BMP2K: variants seen among roughly 807,000 people sequenced by gnomAD.
The protein encoded by BMP2K is BMP2 inducible kinase, also known as BMP-2-inducible protein kinase.
BMP2K carries 74 observed loss-of-function variants against 116.0 expected under a neutral mutation model. The ratio of observed to expected loss-of-function variants is 0.64; its 90% CI spans 0.53 to 0.77. BMP2K has a LOEUF of 0.77. Among genes scored for constraint, BMP2K ranks in the 30% least tolerant of loss-of-function variants. The pLI is 0.00. For synonymous variants in BMP2K, 486 were observed against 502.5 expected (o/e 0.97, Z 0.44); for missense variants, 1,365 against 1,403.6 (o/e 0.97, Z 0.44).
chr4:78,812,751 A>G (rs79232630), intron 1 of BMP2K, among the ~76,000 whole-genome samples: 1,703 of 152,244 alleles, frequency 0.011, 37 homozygotes, highest in African/African-American at 0.039. Context: ...GGCTAAGACT[A>G]TTTGGCTGTG....
At chr4:78,851,657 T>A (rs1731256570) in intron 7 of BMP2K, among the ~76,000 whole-genome samples, 1 of 152,048 alleles carries the variant, frequency 6.6e-6, no homozygotes, top group Non-Finnish European at 1.5e-5. Flanking sequence ...TTGAGGTTTG[T>A]ATGATGAAGA....
intron 1 of BMP2K, among the ~76,000 whole-genome samples, chr4:78,802,093 T>C (rs574941855): frequency 3.3e-5 from 5 of 152,370 alleles, no homozygotes; most frequent in Admixed American, 2.6e-4. Flanking sequence ...TTGCTCGATA[T>C]AGACTTCTCT....
At chr4:78,886,625 GT>G (rs1268684624) in intron 14 of BMP2K, among the ~76,000 whole-genome samples, 1 of 151,990 alleles carries the variant, frequency 6.6e-6, no homozygotes, top group East Asian at 1.9e-4. Flanking sequence ...TTTTGTGTAA[GT>G]TTTTGTGAGT....
intron 15 of BMP2K, among the ~76,000 whole-genome samples, chr4:78,887,663 T>C (rs532409844): frequency 1.3e-5 from 2 of 152,324 alleles, no homozygotes; most frequent in East Asian, 3.9e-4. Context: ...AATTTTGTAT[T>C]TGTCACAATC....
At position 78,913,729 on chromosome 4, in the gene BMP2K, C is replaced by CTT. The variant is rs747747535; in HGVS notation, c.*1700_*1701dup. 2.0e-5 allele frequency: 3 copies of CTT among 152,022 alleles called. No homozygotes were observed. The highest frequency in any genetic ancestry group is 2.9e-5 in the Non-Finnish European group (2 of 67,956). 9.4% of individuals were successfully genotyped at this position (152,022 alleles called of 1,614,324 possible). On this transcript the variant is annotated 3_prime_UTR_variant, in exon 16 of 16. Coordinates refer to ENST00000502613, the MANE Select transcript of BMP2K (RefSeq NM_198892.2). Reference sequence around the variant, plus strand: ...ATATGTAACTAAACCACATATTTGTCTTTTTATTGCTTTTTCCCTTCTTTT... The same window carrying CTT: ...ATATGTAACTAAACCACATATTTGTCTTTTTTTATTGCTTTTTCCCTTCTTTT...
chr4:78,803,365 T>C (rs1053283883), intron 1 of BMP2K, among the ~76,000 whole-genome samples: 5 of 152,132 alleles, frequency 3.3e-5, no homozygotes, highest in African/African-American at 1.2e-4. Context: ...CTATTAAAAA[T>C]AGTAGCTTTA....
chr4:78,862,755 G>A (rs1294509236), intron 9 of BMP2K, among the ~76,000 whole-genome samples: 2 of 152,036 alleles, frequency 1.3e-5, no homozygotes, highest in African/African-American at 4.8e-5. Flanking sequence ...TTAAAAAATG[G>A]TGTTACTTTA....
intron 1 of BMP2K, among the ~76,000 whole-genome samples, chr4:78,810,743 G>C (rs1729049633): frequency 6.6e-6 from 1 of 152,216 alleles, no homozygotes; most frequent in African/African-American, 2.4e-5. Flanking sequence ...GAGCTGGAGA[G>C]AGAAGGATGG....
chr4:78,782,353 T>C (rs573649237), intron 1 of BMP2K, among the ~76,000 whole-genome samples: 1 of 152,370 alleles, frequency 6.6e-6, no homozygotes, highest in Non-Finnish European at 1.5e-5. Flanking sequence ...AGTAAAATTC[T>C]TAAGGCTAGA....
chr4:78,806,876 T>G (rs1449567138), intron 1 of BMP2K, among the ~76,000 whole-genome samples: 2 of 151,274 alleles, frequency 1.3e-5, no homozygotes, highest in Non-Finnish European at 2.9e-5. Context: ...TGAGACAGTA[T>G]CTCACTCTTT....
At chr4:78,884,839 C>T (rs1733005541) in intron 14 of BMP2K, among the ~76,000 whole-genome samples, 2 of 152,106 alleles carry the variant, frequency 1.3e-5, no homozygotes, top group South Asian at 4.1e-4. Flanking sequence ...GGCCTCCCAC[C>T]ACAATAAGTT....
Position 78,776,499 on chromosome 4 carries a change from T to C in BMP2K, c.-45T>C. ...CCCGGCTGCGCGCCGGGCCGGGGAC[T>C]TGCCCTTGCACGCTCCCTGCGCCCT... On this transcript the variant is annotated 5_prime_UTR_variant, in exon 1 of 16. Transcript: ENST00000502613. The C allele has an allele frequency of 8.9e-7, 1 of 1,124,374 alleles. No homozygotes were observed. Among genetic ancestry groups the C allele is most frequent in the Non-Finnish European group, 1.1e-6 (1 of 917,614 alleles). 69.6% of individuals were successfully genotyped at this position (1,124,374 alleles called of 1,614,324 possible). A position where few individuals can be genotyped will look rare whatever the true frequency, so the allele number is the denominator to read the frequency against.
intron 1 of BMP2K, among the ~76,000 whole-genome samples, chr4:78,808,349 T>A (rs987926376): frequency 1.3e-5 from 2 of 151,400 alleles, no homozygotes; most frequent in Non-Finnish European, 2.9e-5. Context: ...CACTGCAAGC[T>A]TCACCTCCTG....
At chr4:78,800,630 C>T (rs962703342) in intron 1 of BMP2K, among the ~76,000 whole-genome samples, 3 of 151,974 alleles carry the variant, frequency 2.0e-5, no homozygotes, top group African/African-American at 7.2e-5. Flanking sequence ...ATTTTGTATT[C>T]TGTAATAATT....
intron 15 of BMP2K, among the ~76,000 whole-genome samples, chr4:78,897,855 G>A (rs963921803): frequency 2.6e-5 from 4 of 152,196 alleles, no homozygotes; most frequent in African/African-American, 9.7e-5. Flanking sequence ...AAAGATTACA[G>A]CCCTTGCCTC....
chr4:78,834,839 A>G (rs780724461), intron 3 of BMP2K, among the ~76,000 whole-genome samples: 78 of 152,324 alleles, frequency 5.1e-4, no homozygotes, highest in Middle Eastern at 3.4e-3. Context: ...CAATGTGACA[A>G]TACCTACCGT....
intron 8 of BMP2K, chr4:78,860,156 A>T: frequency 4.3e-6 from 2 of 467,720 alleles, no homozygotes; most frequent in Admixed American, 5.3e-5. Context: ...GCATAGATAT[A>T]GACAGTGGAG....
rs774310675 is a variant in BMP2K, at chr4:78,912,737, A to AAT, written c.*712_*713dup. On this transcript the variant is annotated 3_prime_UTR_variant, in exon 16 of 16. Coordinates refer to ENST00000502613, the MANE Select transcript of BMP2K (RefSeq NM_198892.2). ...TTCCAAAACAATGTTATACATGATAAATATATATAATTTTTGTCAGTTAAA... is the reference window on the plus strand; with the variant it reads ...TTCCAAAACAATGTTATACATGATAAATATATATATAATTTTTGTCAGTTAAA... The AAT allele has an allele frequency of 6.6e-6, 1 of 152,202 alleles. No homozygotes were observed. Among genetic ancestry groups the AAT allele is most frequent in the Admixed American group, 6.5e-5 (1 of 15,280 alleles). 9.4% of individuals were successfully genotyped at this position (152,202 alleles called of 1,614,324 possible). A position where few individuals can be genotyped will look rare whatever the true frequency, so the allele number is the denominator to read the frequency against.
chr4:78,833,643 G>A lies in BMP2K; in HGVS notation c.359G>A (p.Ser120Asn). Residue 120 changes from serine to asparagine, a missense_variant, in exon 3 of 16, where the codon AGT becomes AAT. Ser to Asn is a conservative substitution (Grantham distance 46). Coordinates refer to ENST00000502613, the MANE Select transcript of BMP2K (RefSeq NM_198892.2). ...GYLDCAVNSI[S>N]DNVWEVLILM... is the part of the protein sequence containing the mutation. Reference sequence around the variant, plus strand: ...TTGGACTGTGCTGTTAATTCAATTAGTGATAATGTATGGGAAGTCCTTATC... The same window carrying A: ...TTGGACTGTGCTGTTAATTCAATTAATGATAATGTATGGGAAGTCCTTATC... 1 of 1,607,894 alleles carries A rather than the reference G, an allele frequency of 6.2e-7. No homozygotes were observed. Among genetic ancestry groups the A allele is most frequent in the Non-Finnish European group, 8.5e-7 (1 of 1,178,268 alleles).
Sources: gnomAD v4.1 joint callset for allele counts (sites outside exome capture counted in the v4.1 genomes callset) on GRCh38, gnomAD v4.1.1 for gene constraint, MANE v1.5 for transcripts, NCBI Gene and HGNC (gene_info 2026-07-23, HGNC 2026-07-21) for gene names.